PNPLA7: variants seen among roughly 807,000 people sequenced by gnomAD.
The protein encoded by PNPLA7 is patatin-like phospholipase domain-containing protein 7.
PNPLA7 carries 153 observed loss-of-function variants against 161.7 expected under a neutral mutation model. The observed-to-expected ratio is 0.95, with a 90% CI of 0.83 to 1.08. PNPLA7 has a LOEUF of 1.08. Ranked by LOEUF, PNPLA7 falls within the 50% of genes least tolerant of loss-of-function variation. The pLI is 0.00. For missense variants in PNPLA7, 1,739 were observed against 1,856.6 expected, an observed-to-expected ratio of 0.94 and a Z score of 1.16; for synonymous variants, 809 against 782.1, an observed-to-expected ratio of 1.03 and a Z score of -0.57.
Position 137,519,804 on chromosome 9 carries a change from G to A in PNPLA7, c.1084+113C>T. The A allele has an allele frequency of 1.4e-6, 2 of 1,386,100 alleles. 1 individual carries two copies. Among genetic ancestry groups the A allele is most frequent in the Non-Finnish European group, 1.9e-6 (2 of 1,032,962 alleles). The allele number at this position is 1,386,100 out of a possible 1,614,324, so 85.9% of individuals were successfully genotyped here. A position where few individuals can be genotyped will look rare whatever the true frequency, so the allele number is the denominator to read the frequency against. ...GGGCCGTGTGAGGTGACCCGGGGAT[G>A]TGTGTGGTGGCCTCAGGCATGTGCA... On this transcript the variant is annotated intron_variant, in intron 11 of 34. Coordinates refer to ENST00000406427, the MANE Select transcript of PNPLA7 (RefSeq NM_001098537.3).
chr9:137,493,053 A>C lies in PNPLA7; in HGVS notation c.2157T>G (p.Gly719=), dbSNP rs751117839. ...QVVTRLIHLL[G]EKILGSLQQG... ...GCTGGAGGCTGCCCAGGATCTTCTC[A>C]CCCAAGAGATGAATCAGCCGAGTCA... Residue 719 remains glycine (G), a synonymous_variant, in exon 20 of 35, where the codon GGT becomes GGG. Coordinates refer to ENST00000406427, the MANE Select transcript of PNPLA7 (RefSeq NM_001098537.3). 14 of 1,613,872 alleles carry C rather than the reference A, an allele frequency of 8.7e-6. No individual in the cohort carries two copies. The South Asian group carries it at 1.5e-4, about 18-fold the overall frequency.
At chr9:137,470,298 G>C (rs991085111) in intron 25 of PNPLA7, among the ~76,000 whole-genome samples, 1 of 152,234 alleles carries the variant, frequency 6.6e-6, no homozygotes, top group African/African-American at 2.4e-5. Context: ...TTACAGGTGT[G>C]AGGCACCGCG....
chr9:137,461,461 T>TGGGGGGGGGGGCCTGGGGGGGG, intron 33 of PNPLA7, 75 bp downstream of exon 33: 1 of 1,189,092 alleles, frequency 8.4e-7, no homozygotes, highest in Non-Finnish European at 1.1e-6. Context: ...GCCTCTGGGG[T>TGGGGGGGGGGGCCTGGGGGGGG]GGGGGGGTTC....
intron 12 of PNPLA7, chr9:137,509,164 ATGAG>A (rs1834069923): frequency 6.4e-6 from 1 of 155,042 alleles, no homozygotes; most frequent in Non-Finnish European, 1.5e-5. Flanking sequence ...TTTAGCTGAC[ATGAG>A]TGAGTTAGCT....
chr9:137,501,638 AC>A lies in PNPLA7; in HGVS notation c.1551+11del. 1 of 1,609,072 alleles carries A rather than the reference AC, an allele frequency of 6.2e-7. No individual in the cohort carries two copies. The highest frequency in any genetic ancestry group is 8.5e-7 in the Non-Finnish European group (1 of 1,178,134). On this transcript the variant is annotated intron_variant, in intron 15 of 34. Transcript: ENST00000406427. ...GGGTGGTCCCAGTGCCCCCCCCCAG[AC>A]CCCCGCTCACCTGGTCTCCCTGCCT...
At chr9:137,522,138 C>CTGTG (rs1835029954) in intron 9 of PNPLA7, among the ~76,000 whole-genome samples, 1 of 152,108 alleles carries the variant, frequency 6.6e-6, no homozygotes, top group Non-Finnish European at 1.5e-5. Context: ...GCAGTGGCAC[C>CTGTG]ATCTCGGCTC....
At chr9:137,528,828 G>C (rs972258463) in intron 8 of PNPLA7, among the ~76,000 whole-genome samples, 15 of 151,724 alleles carry the variant, frequency 9.9e-5, no homozygotes, top group Non-Finnish European at 1.8e-4. Flanking sequence ...AGCCTCCACA[G>C]TAGCTGGGAC....
At chr9:137,462,408 GT>G in intron 30 of PNPLA7, 77 bp from the exon 31 acceptor site, 1 of 1,520,016 alleles carries the variant, frequency 6.6e-7, no homozygotes, top group Non-Finnish European at 8.8e-7. Context: ...CGCAGGACAG[GT>G]TCTGGGGACC....
intron 8 of PNPLA7, among the ~76,000 whole-genome samples, chr9:137,528,603 G>A (rs994200482): frequency 1.3e-5 from 2 of 150,918 alleles, no homozygotes; most frequent in African/African-American, 4.9e-5. Context: ...TTTTATCCTT[G>A]GTAATATTCC....
intron 20 of PNPLA7, chr9:137,491,472 C>T (rs560116627): frequency 1.6e-5 from 16 of 985,124 alleles, no homozygotes; most frequent in Middle Eastern, 1.0e-3. Flanking sequence ...TCAAAACTCA[C>T]GGTGCCGGTA....
At position 137,499,431 on chromosome 9, in the gene PNPLA7, C is replaced by A. The variant is rs1223274065; in HGVS notation, c.1758-1186G>T. 6.6e-6 allele frequency among the ~76,000 whole-genome samples: 1 copy of A among 152,238 alleles called. No homozygotes were observed. Among genetic ancestry groups the A allele is most frequent in the African/African-American group, 2.4e-5 (1 of 41,450 alleles). The stretch of plus-strand genomic sequence containing the variant: ...CCCTGAGCTCTGCCCTGGGTGGTTC[C>A]TGTCCCTGCTCTTCGCCATCCGTCC... On this transcript the variant is annotated intron_variant, in intron 16 of 34. Coordinates refer to ENST00000406427, the MANE Select transcript of PNPLA7 (RefSeq NM_001098537.3). The surrounding 1 kb of genome is among the most constrained non-coding windows in gnomAD (Gnocchi z 5.5).
In PNPLA7 at chr9:137,479,309, C is replaced by T. The variant is rs1355668423; in HGVS notation, c.2581-71G>A. On this transcript the variant is annotated intron_variant, in intron 23 of 34. Transcript: ENST00000406427. ...CTCGGGACAGGACGGAGCTGAAGGC[C>T]AGCACAGAGGGTCTGAGGGCAGGAC... The T allele has an allele frequency of 2.8e-6, 4 of 1,424,750 alleles. No individual in the cohort carries two copies. In the East Asian group the frequency reaches 7.9e-5, roughly 28 times the overall value. 88.3% of individuals were successfully genotyped at this position (1,424,750 alleles called of 1,614,324 possible).
At chr9:137,469,046 G>A (rs73669107) in intron 25 of PNPLA7, among the ~76,000 whole-genome samples, 26 of 148,480 alleles carry the variant, frequency 1.8e-4, no homozygotes, top group African/African-American at 6.5e-4. Flanking sequence ...CTCCGTCTCA[G>A]AAAAAACAAA....
rs1453011394 is a variant in PNPLA7 at position 137,505,173 on chromosome 9, G to A, written c.1473+441C>T. Among the ~76,000 whole-genome samples, 6 of 113,278 alleles carry A rather than the reference G, an allele frequency of 5.3e-5. No individual in the cohort carries two copies. In the Admixed American group the frequency reaches 6.0e-4, roughly 11 times the overall value. 74.3% of individuals were successfully genotyped at this position (113,278 alleles called of 152,430 possible). On this transcript the variant is annotated intron_variant, in intron 14 of 34. Transcript: ENST00000406427. ...ACTGCACTCCAGCCTGGGCGATACT[G>A]CGAGACTCTGTCTCAAAAAAAAAAA...
At position 137,505,687 on chromosome 9, in the gene PNPLA7, G is replaced by A; in HGVS notation, c.1400C>T (p.Thr467Ile). Residue 467 changes from threonine (T) to isoleucine (I), a missense_variant, in exon 14 of 35, where the codon ACC becomes ATC. Coordinates refer to ENST00000406427, the MANE Select transcript of PNPLA7 (RefSeq NM_001098537.3). ...SQHSESHTDE[T>I]LASRKSDAIF... The stretch of plus-strand genomic sequence containing the variant: ...GGCATCCGACTTCCTGCTGGCCAGG[G>A]TCTCATCCGTGTGACTCTCTGAGTG... 6.2e-7 allele frequency: 1 copy of A among 1,614,120 alleles called. No individual in the cohort carries two copies. Among genetic ancestry groups the A allele is most frequent in the Non-Finnish European group, 8.5e-7 (1 of 1,180,034 alleles).
chr9:137,522,322 C>T lies in PNPLA7; in HGVS notation c.876+407G>A, dbSNP rs1293039898. ...ATCTCCTGACCTCGTGATCCGCCCA[C>T]CTCGGCCTCCCACAGTGCTGGGGTT... On this transcript the variant is annotated intron_variant, in intron 9 of 34. Transcript: ENST00000406427. Among the ~76,000 whole-genome samples, 96 of 151,536 alleles carry T rather than the reference C, an allele frequency of 6.3e-4. 1 individual carries two copies. Among genetic ancestry groups the T allele is most frequent in the Admixed American group, 2.3e-3 (35 of 15,262 alleles).
intron 32 of PNPLA7, 111 bp downstream of exon 32, chr9:137,461,820 G>A: frequency 7.8e-7 from 1 of 1,288,690 alleles, no homozygotes; most frequent in South Asian, 1.5e-5. Flanking sequence ...CAGGGGGGCA[G>A]GGCCTGTGGC....
intron 12 of PNPLA7, chr9:137,509,332 G>A (rs149083642): frequency 1.5e-3 from 240 of 164,820 alleles, no homozygotes; most frequent in African/African-American, 5.5e-3. Flanking sequence ...TAGCTGGTAC[G>A]AGTGAGTTTA....
chr9:137,470,728 A>T (rs1169667556), intron 25 of PNPLA7, among the ~76,000 whole-genome samples: 3 of 152,224 alleles, frequency 2.0e-5, no homozygotes, highest in African/African-American at 7.2e-5. Flanking sequence ...AGAATCTAGC[A>T]ATATACAAAC....
Sources: allele counts gnomAD v4.1 joint callset (sites outside exome capture counted in the v4.1 genomes callset), GRCh38; gene constraint gnomAD v4.1.1; non-coding constraint Gnocchi (gnomAD v3.1); transcripts MANE v1.5; gene names NCBI Gene and HGNC (gene_info 2026-07-23, HGNC 2026-07-21).